The following IGSF21 variants were observed in gnomAD, a reference collection of about 807,000 sequenced individuals.
IGSF21 encodes the protein immunoglobulin superfamily member 21.
IGSF21 carries 28 observed loss-of-function variants against 46.8 expected under a neutral mutation model. That is an observed-to-expected ratio of 0.60 (90% CI 0.44 to 0.82). The LOEUF (loss-of-function observed/expected upper bound fraction) is 0.82, where lower values mean the gene tolerates loss of function less well. Ranked by LOEUF, IGSF21 falls within the 40% of genes least tolerant of loss-of-function variation. IGSF21 has a pLI of 0.00. For missense variants in IGSF21, 624 were observed against 665.5 expected (o/e 0.94, Z 0.69); for synonymous variants, 284 against 273.6 (o/e 1.04, Z -0.38).
chr1:18,376,164 T>C, intron 6 of IGSF21, 146 bp from the exon 7 acceptor site: 1 of 710,900 alleles, frequency 1.4e-6, no homozygotes, highest in East Asian at 2.5e-5. Context: ...CAGCTGTGAA[T>C]GAGTGAATGA....
chr1:18,163,471 A>T (rs1171188675), intron 1 of IGSF21, among the ~76,000 whole-genome samples: 3 of 152,132 alleles, frequency 2.0e-5, no homozygotes, highest in Non-Finnish European at 4.4e-5. Context: ...ACTTGCCGGG[A>T]GGCGGTTTCT....
chr1:18,298,211 T>G (rs369532627), intron 3 of IGSF21, among the ~76,000 whole-genome samples: 1 of 152,144 alleles, frequency 6.6e-6, no homozygotes, highest in Non-Finnish European at 1.5e-5. Context: ...GGGTATGGCA[T>G]GCTCTGATAT....
chr1:18,368,275 G>A (rs2124635039), intron 6 of IGSF21, among the ~76,000 whole-genome samples: 1 of 151,946 alleles, frequency 6.6e-6, no homozygotes, highest in East Asian at 2.0e-4. Context: ...GGAGGCCAAG[G>A]CGGGTGGATC....
intron 2 of IGSF21, among the ~76,000 whole-genome samples, chr1:18,243,565 C>T (rs1169985918): frequency 6.6e-6 from 1 of 152,164 alleles, no homozygotes; most frequent in Non-Finnish European, 1.5e-5. Context: ...CACCAAGCAG[C>T]CAGAGTGACC....
chr1:18,190,103 T>A (rs1429417499), intron 1 of IGSF21, among the ~76,000 whole-genome samples: 3 of 152,164 alleles, frequency 2.0e-5, no homozygotes, highest in Non-Finnish European at 2.9e-5. Flanking sequence ...CCCTTGAAGG[T>A]CACCGCCAGA....
intron 6 of IGSF21, among the ~76,000 whole-genome samples, chr1:18,372,632 A>AGATGGATG (rs779856968): frequency 0.021 from 2,807 of 135,274 alleles, 90 homozygotes; most frequent in African/African-American, 0.073. Flanking sequence ...ATGGATGGAT[A>AGATGGATG]GATGGATGGA....
At chr1:18,153,780 G>C (rs1416210608) in intron 1 of IGSF21, among the ~76,000 whole-genome samples, 1 of 152,100 alleles carries the variant, frequency 6.6e-6, no homozygotes, top group Non-Finnish European at 1.5e-5. Context: ...GTTGGTCTGA[G>C]CCCCAGATGC....
At chr1:18,177,762 C>G (rs1267444341) in intron 1 of IGSF21, among the ~76,000 whole-genome samples, 6 of 152,050 alleles carry the variant, frequency 3.9e-5, no homozygotes, top group African/African-American at 1.2e-4. Context: ...GTGATTGGAT[C>G]GAGGAGGTGG....
chr1:18,155,871 G>C (rs1021293595), intron 1 of IGSF21, among the ~76,000 whole-genome samples: 1 of 152,258 alleles, frequency 6.6e-6, no homozygotes, highest in African/African-American at 2.4e-5. Context: ...GATCAAGAAC[G>C]GGAAGCTAAG....
chr1:18,307,379 A>G (rs1213836598), intron 3 of IGSF21, among the ~76,000 whole-genome samples: 1 of 152,220 alleles, frequency 6.6e-6, no homozygotes, highest in Non-Finnish European at 1.5e-5. Context: ...ATGTTTATCA[A>G]GTTCCTAGCA....
intron 3 of IGSF21, among the ~76,000 whole-genome samples, chr1:18,295,860 G>C (rs985667459): frequency 6.6e-6 from 1 of 152,164 alleles, no homozygotes; most frequent in African/African-American, 2.4e-5. Context: ...CAGCCCCCTC[G>C]TCCCTCCAGG....
chr1:18,328,336 A>G (rs925728686), intron 3 of IGSF21, among the ~76,000 whole-genome samples: 1 of 152,240 alleles, frequency 6.6e-6, no homozygotes, highest in African/African-American at 2.4e-5. Context: ...CCCATTTTGT[A>G]ATAAAGAGCT....
At chr1:18,330,566 TGG>T (rs2085702312) in intron 3 of IGSF21, among the ~76,000 whole-genome samples, 1 of 84,892 alleles carries the variant, frequency 1.2e-5, no homozygotes. Context: ...GGCAGGGGCG[TGG>T]GAGAAGGGAA....
chr1:18,313,280 G>A (rs1436117995), intron 3 of IGSF21, among the ~76,000 whole-genome samples: 1 of 152,156 alleles, frequency 6.6e-6, no homozygotes, highest in African/African-American at 2.4e-5. Context: ...ACCAGTCATG[G>A]AACTGGGTCT....
intron 4 of IGSF21, among the ~76,000 whole-genome samples, chr1:18,348,127 T>A: frequency 6.6e-6 from 1 of 152,158 alleles, no homozygotes; most frequent in East Asian, 1.9e-4. Context: ...AATGAAGAAA[T>A]TGAGACCCAG....
At chr1:18,235,273 A>C (rs2124512918) in intron 2 of IGSF21, among the ~76,000 whole-genome samples, 1 of 152,358 alleles carries the variant, frequency 6.6e-6, no homozygotes, top group South Asian at 2.1e-4. Context: ...TCCAACATTA[A>C]TTCAACACAT....
intron 4 of IGSF21, among the ~76,000 whole-genome samples, chr1:18,344,013 G>A (rs1476511067): frequency 6.6e-6 from 1 of 152,162 alleles, no homozygotes; most frequent in East Asian, 1.9e-4. Context: ...GGGTAATGAA[G>A]GCTGAGTCTA....
At chr1:18,127,581 C>T (rs945464271) in intron 1 of IGSF21, among the ~76,000 whole-genome samples, 3 of 152,138 alleles carry the variant, frequency 2.0e-5, no homozygotes, top group Non-Finnish European at 4.4e-5. Context: ...GGGCACGTGA[C>T]CGCTTTAAGT....
intron 3 of IGSF21, among the ~76,000 whole-genome samples, chr1:18,310,071 GCCT>G (rs2085474204): frequency 1.3e-5 from 2 of 152,298 alleles, no homozygotes; most frequent in East Asian, 1.9e-4. Flanking sequence ...GGCTGCATGT[GCCT>G]CCTCCTTTGC....
Sources: gnomAD v4.1 joint callset for allele counts (sites outside exome capture counted in the v4.1 genomes callset) on GRCh38, gnomAD v4.1.1 for gene constraint, MANE v1.5 for transcripts, NCBI Gene and HGNC (gene_info 2026-07-23, HGNC 2026-07-21) for gene names.